The following TP53BP1 variants were observed in gnomAD, a reference collection of about 807,000 sequenced individuals.
TP53BP1 encodes TP53-binding protein 1.
In TP53BP1, 61 loss-of-function variants were observed where a neutral mutation model predicts 200.8. That is an observed-to-expected ratio of 0.30 (90% CI 0.25 to 0.38). TP53BP1 has a LOEUF of 0.38. Ranked by LOEUF, TP53BP1 falls within the 10% of genes least tolerant of loss-of-function variation. The pLI is 1.00. For synonymous variants in TP53BP1, 822 were observed against 844.3 expected, an observed-to-expected ratio of 0.97 and a Z score of 0.46; for missense variants, 2,144 against 2,371.9, an observed-to-expected ratio of 0.90 and a Z score of 2.00.
At chr15:43,464,741 TAAAA>T (rs1187318833) in intron 11 of TP53BP1, among the ~76,000 whole-genome samples, 1 of 146,898 alleles carries the variant, frequency 6.8e-6, no homozygotes, top group Non-Finnish European at 1.5e-5. Context: ...CCGTCTCTAC[TAAAA>T]AAAAAATACA....
chr15:43,446,714 C>T, intron 13 of TP53BP1, 124 bp from the exon 14 acceptor site: 1 of 1,534,144 alleles, frequency 6.5e-7, no homozygotes, highest in Non-Finnish European at 8.7e-7. Flanking sequence ...AAGGAGGTTC[C>T]TAGGATAGAT....
chr15:43,464,964 T>G (rs2046534413), intron 11 of TP53BP1, among the ~76,000 whole-genome samples: 1 of 151,968 alleles, frequency 6.6e-6, no homozygotes, highest in Non-Finnish European at 1.5e-5. Flanking sequence ...CTTTTTTCCT[T>G]TATATTTTTT....
chr15:43,509,100 T>C (rs1241338271), intron 1 of TP53BP1, among the ~76,000 whole-genome samples: 2 of 148,550 alleles, frequency 1.3e-5, no homozygotes, highest in Non-Finnish European at 3.0e-5. Context: ...CTATTCTGGC[T>C]CTCTGCCTCC....
intron 10 of TP53BP1, among the ~76,000 whole-genome samples, chr15:43,471,452 G>A (rs2046723163): frequency 6.6e-6 from 1 of 150,434 alleles, no homozygotes; most frequent in African/African-American, 2.4e-5. Context: ...TTTGAGACAG[G>A]GTCTCGCTCT....
intron 15 of TP53BP1, among the ~76,000 whole-genome samples, chr15:43,439,082 C>T (rs1366157987): frequency 2.0e-5 from 3 of 152,116 alleles, no homozygotes; most frequent in Non-Finnish European, 2.9e-5. Flanking sequence ...TGAATCAAGA[C>T]TGGCCATAAG....
chr15:43,404,490 T>G lies in TP53BP1; in HGVS notation c.*2893A>C, dbSNP rs376299947. 3 of 1,614,184 alleles carry G rather than the reference T, an allele frequency of 1.9e-6. No individual in the cohort carries two copies. Among genetic ancestry groups the G allele is most frequent in the Non-Finnish European group, 2.5e-6 (3 of 1,180,028 alleles). On this transcript the variant is annotated 3_prime_UTR_variant, in exon 28 of 28. Coordinates refer to ENST00000382044, the MANE Select transcript of TP53BP1 (RefSeq NM_001141980.3). ...ATCATCAGATCAACTCAGATTTGGC[T>G]CAACTACTGTTACGACTAGATTATA...
chr15:43,408,923 G>T lies in TP53BP1; in HGVS notation c.5574C>A (p.Ser1858Arg). 1 of 1,614,150 alleles carries T rather than the reference G, an allele frequency of 6.2e-7. No individual in the cohort carries two copies. Among genetic ancestry groups the T allele is most frequent in the Non-Finnish European group, 8.5e-7 (1 of 1,180,024 alleles). The change falls in exon 26 of 28, where the codon AGC becomes AGA. Residue 1858 changes from serine to arginine, a missense_variant. Ser to Arg is a moderately radical substitution (Grantham distance 110). Transcript: ENST00000382044. The stretch of plus-strand genomic sequence containing the variant: ...AGTCCAGAATTCTTTGCTCCTCAAG[G>T]CTGTACCCAGCTGGCAACAGATAAT... ...YRNYLLPAGYSLEEQRILDWQ... is the reference protein window; with the variant it reads ...YRNYLLPAGYRLEEQRILDWQ...
intron 11 of TP53BP1, among the ~76,000 whole-genome samples, chr15:43,460,264 G>GTT (rs2046398114): frequency 1.3e-5 from 2 of 151,918 alleles, no homozygotes; most frequent in South Asian, 4.2e-4. Flanking sequence ...GTTTTGTTTT[G>GTT]TTTTGTTTTG....
At position 43,409,112 on chromosome 15, in the gene TP53BP1, C is replaced by CA; in HGVS notation, c.5401-17dup. 1 of 1,613,452 alleles carries CA rather than the reference C, an allele frequency of 6.2e-7. No individual in the cohort carries two copies. The highest frequency in any genetic ancestry group is 8.5e-7 in the Non-Finnish European group (1 of 1,179,484). On this transcript the variant is annotated splice_polypyrimidine_tract_variant and intron_variant, in intron 25 of 27. Transcript: ENST00000382044. ...CTGTGTTACACTGCAAGAAAAGAAG[C>CA]AGAGCCAATGGGTTTGGTGACTTCT...
chr15:43,431,343 A>G (rs2045665167), intron 17 of TP53BP1, among the ~76,000 whole-genome samples: 1 of 152,050 alleles, frequency 6.6e-6, no homozygotes, highest in Non-Finnish European at 1.5e-5. Flanking sequence ...CCACTCTGCC[A>G]CTCAATGAAA....
At chr15:43,418,619 T>C (rs1054298625) in intron 21 of TP53BP1, among the ~76,000 whole-genome samples, 3 of 152,078 alleles carry the variant, frequency 2.0e-5, no homozygotes, top group Admixed American at 6.6e-5. Flanking sequence ...CAAATAGGTA[T>C]CTTCAAATTA....
intron 1 of TP53BP1, among the ~76,000 whole-genome samples, chr15:43,507,287 A>G (rs2079242461): frequency 6.6e-6 from 1 of 152,056 alleles, no homozygotes; most frequent in African/African-American, 2.4e-5. Context: ...GGCACCCACC[A>G]ACACGCCCAG....
intron 10 of TP53BP1, among the ~76,000 whole-genome samples, chr15:43,473,352 C>G (rs1388797560): frequency 6.6e-6 from 1 of 152,174 alleles, no homozygotes; most frequent in African/African-American, 2.4e-5. Flanking sequence ...TCTGTGCTGA[C>G]AGGGGGCTGA....
Position 43,475,567 on chromosome 15 carries a change from G to A in TP53BP1, c.1083C>T (p.Ser361=). The A allele has an allele frequency of 1.2e-6, 2 of 1,614,084 alleles. No homozygotes were observed. The highest frequency in any genetic ancestry group is 1.3e-5 in the African/African-American group (1 of 75,052). The change falls in exon 9 of 28, where the codon TCC becomes TCT. Residue 361 remains serine (S), a splice_region_variant and synonymous_variant. Transcript: ENST00000382044. The part of the protein sequence containing the change: ...GQRSLVQDSL[S]TNSSDLVAPS... ...TAAGCTATTTTAGGCTTACTTACGT[G>A]GAAAGACTGTCCTGAACAAGGGACC...
chr15:43,471,349 G>C (rs893896858), intron 10 of TP53BP1, among the ~76,000 whole-genome samples: 1 of 151,984 alleles, frequency 6.6e-6, no homozygotes, highest in Admixed American at 6.6e-5. Context: ...TAGTATCACA[G>C]GTGATTTTTA....
intron 4 of TP53BP1, among the ~76,000 whole-genome samples, chr15:43,483,145 G>A (rs2078997708): frequency 6.6e-6 from 1 of 151,716 alleles, no homozygotes; most frequent in Admixed American, 6.6e-5. Context: ...CTTAGGGGAT[G>A]AATGCTGAAG....
At chr15:43,476,464 G>A (rs2078884060) in intron 8 of TP53BP1, among the ~76,000 whole-genome samples, 1 of 152,168 alleles carries the variant, frequency 6.6e-6, no homozygotes, top group African/African-American at 2.4e-5. Context: ...TGTTATAAAT[G>A]CAGCAGTTTT....
intron 4 of TP53BP1, among the ~76,000 whole-genome samples, chr15:43,489,859 G>T (rs1566966955): frequency 6.6e-6 from 1 of 151,860 alleles, no homozygotes; most frequent in Non-Finnish European, 1.5e-5. Context: ...TTGATGATTT[G>T]TGAGAAAAAA....
chr15:43,504,267 C>A (rs984176055), intron 1 of TP53BP1, among the ~76,000 whole-genome samples: 1 of 152,182 alleles, frequency 6.6e-6, no homozygotes, highest in Admixed American at 6.5e-5. Flanking sequence ...CCTGCTTTAG[C>A]CTCCCAAAGT....
Sources: allele counts gnomAD v4.1 joint callset (sites outside exome capture counted in the v4.1 genomes callset), GRCh38; gene constraint gnomAD v4.1.1; transcripts MANE v1.5; gene names NCBI Gene and HGNC (gene_info 2026-07-23, HGNC 2026-07-21).